ZBTB20: variants seen among roughly 807,000 people sequenced by gnomAD.
The protein encoded by ZBTB20 is zinc finger and BTB domain containing 20.
A neutral mutation model predicts 56.9 loss-of-function variants in ZBTB20; 9 were observed. The ratio of observed to expected loss-of-function variants is 0.16; its 90% CI spans 0.10 to 0.28. The LOEUF is 0.28. ZBTB20 is among the 10% of genes least tolerant of loss of function. The probability of loss-of-function intolerance (pLI) is 1.00; values close to 1 mark genes in which losing one functional copy is unlikely to be tolerated. For missense variants in ZBTB20, 655 were observed against 1,003.0 expected (o/e 0.65, Z 4.69); for synonymous variants, 417 against 420.7 (o/e 0.99, Z 0.11).
chr3:114,517,610 T>C (rs1482324747), intron 6 of ZBTB20, among the ~76,000 whole-genome samples: 4 of 151,632 alleles, frequency 2.6e-5, no homozygotes, highest in Non-Finnish European at 5.9e-5. Context: ...CAAATTTCTC[T>C]CTGTTGCCCA....
rs1553778290 is a variant in ZBTB20, at chr3:114,315,568, A to AGAGTGTGTGT, written c.*23436_*23437insACACACACTC. 0.04 allele frequency: 5,860 copies of AGAGTGTGTGT among 147,648 alleles called. 161 individuals carry two copies. Among genetic ancestry groups the AGAGTGTGTGT allele is most frequent in the African/African-American group, 0.067 (2,657 of 39,844 alleles). 9.1% of individuals were successfully genotyped at this position (147,648 alleles called of 1,614,324 possible). Reference sequence around the variant, plus strand: ...GTGTGTATTTTAGGTCTAAACATACAGTGTGTGTGTGTGTGTGTGTGTGTG... The same window carrying AGAGTGTGTGT: ...GTGTGTATTTTAGGTCTAAACATACAGAGTGTGTGTGTGTGTGTGTGTGTGTGTGTGTGTG... On this transcript the variant is annotated 3_prime_UTR_variant, in exon 12 of 12. Transcript: ENST00000675478.
At chr3:114,940,262 C>T (rs974004253) in intron 3 of ZBTB20, among the ~76,000 whole-genome samples, 1 of 146,416 alleles carries the variant, frequency 6.8e-6, no homozygotes, top group Admixed American at 6.6e-5. Context: ...CCTAAAGATA[C>T]CTGTCCATTA....
chr3:114,918,604 C>T (rs1267433579), intron 3 of ZBTB20, among the ~76,000 whole-genome samples: 1 of 152,140 alleles, frequency 6.6e-6, no homozygotes, highest in African/African-American at 2.4e-5. Flanking sequence ...GGGCTGGGTC[C>T]TTCTCTTCAA....
intron 4 of ZBTB20, among the ~76,000 whole-genome samples, chr3:114,883,916 C>CCTTTTT (rs1223732179): frequency 0.15 from 13,044 of 89,514 alleles, 4,936 homozygotes; most frequent in Admixed American, 0.22. Flanking sequence ...ATGGTGTGTT[C>CCTTTTT]TTTTTTTTTT....
chr3:114,364,927 T>C (rs9846724), intron 10 of ZBTB20, among the ~76,000 whole-genome samples: 51,619 of 151,994 alleles, frequency 0.34, 9,335 homozygotes, highest in Non-Finnish European at 0.4. Context: ...TTAGAACTTC[T>C]CTAGGCTCGG....
At chr3:114,998,784 T>C (rs994016448) in intron 2 of ZBTB20, among the ~76,000 whole-genome samples, 2 of 151,700 alleles carry the variant, frequency 1.3e-5, no homozygotes, top group Non-Finnish European at 2.9e-5. Context: ...AGTTTATTTC[T>C]TTATATGTCA....
At chr3:115,135,466 C>G (rs749916066) in intron 1 of ZBTB20, among the ~76,000 whole-genome samples, 28 of 152,214 alleles carry the variant, frequency 1.8e-4, no homozygotes, top group Non-Finnish European at 3.1e-4. Context: ...AGATTGAAAT[C>G]GTGAAATACA....
At chr3:114,453,210 C>T (rs1184404092) in intron 7 of ZBTB20, among the ~76,000 whole-genome samples, 1 of 152,098 alleles carries the variant, frequency 6.6e-6, no homozygotes, top group Non-Finnish European at 1.5e-5. Flanking sequence ...ATGGAGAACA[C>T]AAAGCTACGT....
At chr3:114,996,039 A>T (rs2079012779) in intron 2 of ZBTB20, among the ~76,000 whole-genome samples, 1 of 151,882 alleles carries the variant, frequency 6.6e-6, no homozygotes, top group South Asian at 2.1e-4. Flanking sequence ...AAGAAGTTCC[A>T]CAATAATAAC....
rs185611549 is a variant in ZBTB20 at position 114,750,188 on chromosome 3, G to A, written c.-343+50913C>T. ...AGACCTTCTATCATAAAGGATAAGA[G>A]TGACATTTAAAAAACCAGTTTTTAA... On this transcript the variant is annotated intron_variant, in intron 5 of 11. Transcript: ENST00000675478. Among the ~76,000 whole-genome samples, 4 of 152,272 alleles carry A rather than the reference G, an allele frequency of 2.6e-5. No individual in the cohort carries two copies. The East Asian group carries it at 7.7e-4, about 29-fold the overall frequency.
chr3:114,979,812 T>C (rs945311388), intron 2 of ZBTB20, among the ~76,000 whole-genome samples: 1 of 152,028 alleles, frequency 6.6e-6, no homozygotes. Context: ...GAGGTATTCA[T>C]TTTGGATTTG....
chr3:114,540,099 T>A (rs1440408248), intron 6 of ZBTB20, among the ~76,000 whole-genome samples: 1 of 152,030 alleles, frequency 6.6e-6, no homozygotes, highest in African/African-American at 2.4e-5. Context: ...GTTTGTATTG[T>A]TCCCCTCTAT....
chr3:114,546,391 T>C (rs778297363), intron 6 of ZBTB20, among the ~76,000 whole-genome samples: 3 of 152,108 alleles, frequency 2.0e-5, no homozygotes, highest in Admixed American at 6.6e-5. Context: ...ACATAGGTCC[T>C]TTGACTTTCT....
At chr3:115,023,261 G>A (rs758074605) in intron 2 of ZBTB20, among the ~76,000 whole-genome samples, 102 of 150,928 alleles carry the variant, frequency 6.8e-4, no homozygotes, top group Non-Finnish European at 1.3e-3. Context: ...TTTAAAAAAT[G>A]GACAGTTTAC....
At position 114,547,577 on chromosome 3, in the gene ZBTB20, G is replaced by A. The variant is rs2050045030; in HGVS notation, c.-294-47186C>T. ...AAAACTGGTGGCTAGAGCAGAAGAT[G>A]CTCTGGTCAGTGGTAGAGCATCCCA... is the stretch of plus-strand genomic sequence containing the variant. On this transcript the variant is annotated intron_variant, in intron 6 of 11. Coordinates refer to ENST00000675478, the MANE Select transcript of ZBTB20 (RefSeq NM_001348800.3). Among the ~76,000 whole-genome samples, 3 of 152,210 alleles carry A rather than the reference G, an allele frequency of 2.0e-5. No individual in the cohort carries two copies. In the South Asian group the frequency reaches 6.2e-4, roughly 32 times the overall value.
At chr3:114,944,155 T>TA (rs2076811858) in intron 3 of ZBTB20, among the ~76,000 whole-genome samples, 1 of 145,146 alleles carries the variant, frequency 6.9e-6, no homozygotes, top group Non-Finnish European at 1.5e-5. Flanking sequence ...ATAACCTGAT[T>TA]AAAAAATGAG....
chr3:114,387,132 C>T (rs2085238418), intron 8 of ZBTB20: 1 of 143,682 alleles, frequency 7.0e-6, no homozygotes. Flanking sequence ...GGCAGGGCCA[C>T]TGAGCATTAT....
chr3:114,807,051 A>C (rs2108862467), intron 4 of ZBTB20, among the ~76,000 whole-genome samples: 1 of 152,140 alleles, frequency 6.6e-6, no homozygotes, highest in African/African-American at 2.4e-5. Flanking sequence ...TCCTTTTTCA[A>C]AAGTATTTTC....
At chr3:114,419,528 G>A (rs1391889115) in intron 7 of ZBTB20, among the ~76,000 whole-genome samples, 2 of 152,072 alleles carry the variant, frequency 1.3e-5, no homozygotes, top group African/African-American at 2.4e-5. Flanking sequence ...GCACCCAGAT[G>A]CTGTACTCCC....
Sources: gnomAD v4.1 joint callset for allele counts (sites outside exome capture counted in the v4.1 genomes callset) on GRCh38, gnomAD v4.1.1 for gene constraint, MANE v1.5 for transcripts, NCBI Gene and HGNC (gene_info 2026-07-23, HGNC 2026-07-21) for gene names.